Variants in TMEM132D observed in about 807,000 individuals in gnomAD.
TMEM132D encodes the protein transmembrane protein 132D.
A neutral mutation model predicts 62.3 loss-of-function variants in TMEM132D; 21 were observed. That is an observed-to-expected ratio of 0.34 (90% CI 0.24 to 0.49). TMEM132D has a LOEUF of 0.49. Among genes scored for constraint, TMEM132D ranks in the 20% least tolerant of loss-of-function variants. The pLI is 0.99. For missense variants in TMEM132D, 1,346 were observed against 1,402.8 expected, an observed-to-expected ratio of 0.96 and a Z score of 0.65; for synonymous variants, 621 against 575.6, an observed-to-expected ratio of 1.08 and a Z score of -1.13.
At chr12:129,115,670 G>C (rs2135649779) in intron 5 of TMEM132D, among the ~76,000 whole-genome samples, 4 of 152,348 alleles carry the variant, frequency 2.6e-5, no homozygotes, top group Middle Eastern at 6.8e-3. Flanking sequence ...TGGACACTGG[G>C]ATCCCCCAGG....
chr12:129,550,238 T>C (rs1876856678), intron 2 of TMEM132D, among the ~76,000 whole-genome samples: 1 of 152,204 alleles, frequency 6.6e-6, no homozygotes, highest in South Asian at 2.1e-4. Flanking sequence ...ACTGGTATTT[T>C]TTTTTCTATA....
intron 3 of TMEM132D, among the ~76,000 whole-genome samples, chr12:129,364,511 G>C (rs12304268): frequency 0.29 from 43,714 of 152,168 alleles, 7,197 homozygotes; most frequent in South Asian, 0.4. Context: ...GACGTATAGC[G>C]TAATTTTGTA....
At chr12:129,667,507 G>A (rs1280293871) in intron 2 of TMEM132D, among the ~76,000 whole-genome samples, 1 of 152,024 alleles carries the variant, frequency 6.6e-6, no homozygotes, top group African/African-American at 2.4e-5. Flanking sequence ...TTAAGATTTT[G>A]GAGTTATCAT....
intron 4 of TMEM132D, among the ~76,000 whole-genome samples, chr12:129,299,590 C>T (rs1881659273): frequency 6.6e-6 from 1 of 151,572 alleles, no homozygotes; most frequent in Non-Finnish European, 1.5e-5. Flanking sequence ...GAGAGCCCCA[C>T]CCCACCTCTC....
At position 129,130,310 on chromosome 12, in the gene TMEM132D, C is replaced by T. The variant is rs181623042; in HGVS notation, c.1444-45608G>A. ...AGATAGAGAGGTTCAGCCTCCTCAT[C>T]CCAGCTCAGGGAGGCTCTGAAGAGA... On this transcript the variant is annotated intron_variant, in intron 5 of 8. Transcript: ENST00000422113. Among the ~76,000 whole-genome samples, 725 of 133,056 alleles carry T rather than the reference C, an allele frequency of 5.4e-3. 4 individuals carry two copies. Among genetic ancestry groups the T allele is most frequent in the Non-Finnish European group, 8.3e-3 (522 of 62,670 alleles). 87.3% of individuals were successfully genotyped at this position (133,056 alleles called of 152,430 possible). A position where few individuals can be genotyped will look rare whatever the true frequency, so the allele number is the denominator to read the frequency against.
intron 6 of TMEM132D, among the ~76,000 whole-genome samples, chr12:129,082,582 C>T (rs990527642): frequency 1.3e-5 from 2 of 152,130 alleles, no homozygotes; most frequent in Non-Finnish European, 2.9e-5. Context: ...ACGAGTGAGC[C>T]TGCATGTAGA....
At chr12:129,649,666 TATAGA>T (rs1479258309) in intron 2 of TMEM132D, among the ~76,000 whole-genome samples, 1 of 152,094 alleles carries the variant, frequency 6.6e-6, no homozygotes, top group East Asian at 1.9e-4. Context: ...AAAAACAACC[TATAGA>T]ATATACTGTT....
chr12:129,729,214 T>C (rs1481517580), intron 1 of TMEM132D, among the ~76,000 whole-genome samples: 1 of 152,210 alleles, frequency 6.6e-6, no homozygotes, highest in East Asian at 1.9e-4. Flanking sequence ...CATTTTATTT[T>C]TAAAACATCT....
At chr12:129,424,980 A>C (rs901170614) in intron 3 of TMEM132D, among the ~76,000 whole-genome samples, 5 of 152,022 alleles carry the variant, frequency 3.3e-5, no homozygotes, top group African/African-American at 1.2e-4. Flanking sequence ...ACCACTAATC[A>C]ATCTACTTTC....
At chr12:129,510,004 T>C (rs1875451872) in intron 3 of TMEM132D, among the ~76,000 whole-genome samples, 1 of 152,146 alleles carries the variant, frequency 6.6e-6, no homozygotes, top group Admixed American at 6.6e-5. Context: ...GATTGCTGGG[T>C]CTTATGGTAG....
chr12:129,275,445 T>G (rs1255547352), intron 4 of TMEM132D, among the ~76,000 whole-genome samples: 1 of 152,178 alleles, frequency 6.6e-6, no homozygotes, highest in African/African-American at 2.4e-5. Flanking sequence ...GAAACAATGA[T>G]ATATCTATTC....
chr12:129,357,598 G>A (rs1870113614), intron 3 of TMEM132D, among the ~76,000 whole-genome samples: 1 of 151,338 alleles, frequency 6.6e-6, no homozygotes, highest in Middle Eastern at 3.4e-3. Context: ...AGAAAGGAGA[G>A]AAAGAAAAAG....
chr12:129,089,710 G>A (rs529096246), intron 5 of TMEM132D, among the ~76,000 whole-genome samples: 12 of 152,364 alleles, frequency 7.9e-5, no homozygotes, highest in East Asian at 3.9e-4. Flanking sequence ...GAGGCTGAAC[G>A]CGCTTCCTGC....
At chr12:129,782,783 T>G (rs143867266) in intron 1 of TMEM132D, among the ~76,000 whole-genome samples, 1 of 151,496 alleles carries the variant, frequency 6.6e-6, no homozygotes. Flanking sequence ...TTCTGATAAA[T>G]CCAGGTAAGT....
At chr12:129,584,539 G>C (rs1011755520) in intron 2 of TMEM132D, among the ~76,000 whole-genome samples, 1 of 152,142 alleles carries the variant, frequency 6.6e-6, no homozygotes, top group African/African-American at 2.4e-5. Context: ...CCTCTGGTTC[G>C]TGGCAAGCAT....
rs1300598657 is a variant in TMEM132D, at chr12:129,185,563, ATTT to A, written c.1443+23954_1443+23956del. 4.0e-5 allele frequency among the ~76,000 whole-genome samples: 6 copies of A among 151,660 alleles called. No homozygotes were observed. In the East Asian group the frequency reaches 9.7e-4, roughly 24 times the overall value. On this transcript the variant is annotated intron_variant, in intron 5 of 8. Coordinates refer to ENST00000422113, the MANE Select transcript of TMEM132D (RefSeq NM_133448.3). The stretch of plus-strand genomic sequence containing the variant: ...TTTATTATTTTATTTTAATTTTATT[ATTT>A]TTATTATATTATTTTATTTTCATCT...
At chr12:129,525,843 T>C (rs1015650123) in intron 3 of TMEM132D, among the ~76,000 whole-genome samples, 3 of 152,206 alleles carry the variant, frequency 2.0e-5, no homozygotes, top group African/African-American at 7.2e-5. Flanking sequence ...TACATACAAC[T>C]GTGGTAATCC....
chr12:129,772,799 T>C (rs1314790765), intron 1 of TMEM132D, among the ~76,000 whole-genome samples: 1 of 152,240 alleles, frequency 6.6e-6, no homozygotes, highest in East Asian at 1.9e-4. Context: ...TCAAAGCTCA[T>C]TGAGCCCAGG....
chr12:129,735,502 A>T (rs1869394668), intron 1 of TMEM132D, among the ~76,000 whole-genome samples: 1 of 152,240 alleles, frequency 6.6e-6, no homozygotes, highest in Admixed American at 6.5e-5. Context: ...TTAGAAACAA[A>T]AATACAGGAC....
Sources: allele counts gnomAD v4.1 joint callset (sites outside exome capture counted in the v4.1 genomes callset), GRCh38; gene constraint gnomAD v4.1.1; transcripts MANE v1.5; gene names NCBI Gene and HGNC (gene_info 2026-07-23, HGNC 2026-07-21).